Variants in ADGRG4 observed in about 807,000 individuals in gnomAD.
The protein encoded by ADGRG4 is adhesion G protein-coupled receptor G4, also known as G protein-coupled receptor 112.
A neutral mutation model predicts 126.2 loss-of-function variants in ADGRG4; 122 were observed. The observed-to-expected ratio is 0.97, with a 90% CI of 0.83 to 1.12. The LOEUF is 1.12. Among genes scored for constraint, ADGRG4 ranks in the 50% most tolerant of loss-of-function variants. The probability of loss-of-function intolerance (pLI) is 0.00; values close to 1 mark genes in which losing one functional copy is unlikely to be tolerated. For synonymous variants in ADGRG4, 943 were observed against 838.7 expected, an observed-to-expected ratio of 1.12 and a Z score of -2.15; for missense variants, 2,481 against 2,251.8, an observed-to-expected ratio of 1.10 and a Z score of -2.06.
chrX:136,353,549 T>C (rs2075075598), intron 8 of ADGRG4, 148 bp downstream of exon 8: 2 of 451,604 alleles, frequency 4.4e-6, no homozygotes, highest in South Asian at 7.3e-5. Flanking sequence ...TAGGTTCTTT[T>C]TGGCATGAGG....
intron 19 of ADGRG4, among the ~76,000 whole-genome samples, chrX:136,397,491 C>CTTTTTTTTTTTTTTTTTTTTT (rs1184936316): frequency 1.2e-4 from 6 of 50,575 alleles, no homozygotes; most frequent in African/African-American, 2.2e-4. Flanking sequence ...AGGAAAAGGA[C>CTTTTTTTTTTTTTTTTTTTTT]TTTTTTTTTT....
chrX:136,378,659 G>T (rs1037819827), intron 15 of ADGRG4, among the ~76,000 whole-genome samples: 1 of 111,081 alleles, frequency 9.0e-6, no homozygotes, highest in Non-Finnish European at 1.9e-5. Flanking sequence ...ATTTGATTGA[G>T]GTAGTTACCT....
At chrX:136,388,508 A>G (rs2148490953) in intron 16 of ADGRG4, among the ~76,000 whole-genome samples, 1 of 112,284 alleles carries the variant, frequency 8.9e-6, no homozygotes, top group East Asian at 2.8e-4. Context: ...CCTTCTCTGT[A>G]GTATAGGGTA....
Position 136,308,799 on chromosome X carries a change from C to A in ADGRG4, c.22C>A (p.Gln8Lys). The change falls in exon 4 of 26, where the codon CAG (glutamine) becomes AAG (lysine). Residue 8 changes from glutamine to lysine, a missense_variant. By Grantham distance (53) the Gln-to-Lys change is moderately conservative. Coordinates refer to ENST00000394143, the MANE Select transcript of ADGRG4 (RefSeq NM_153834.4). MKEHIIY[Q>K]KLYGLILMSS... is the part of the protein sequence containing the mutation. ...GACAATGAAAGAACACATCATATATCAGAAGCTTTATGGATTGATTCTCAT... is the reference window on the plus strand; with the variant it reads ...GACAATGAAAGAACACATCATATATAAGAAGCTTTATGGATTGATTCTCAT... 1 of 1,174,678 alleles carries A rather than the reference C, an allele frequency of 8.5e-7. No homozygotes were observed.
intron 24 of ADGRG4, among the ~76,000 whole-genome samples, 176 bp from the exon 25 acceptor site, chrX:136,413,984 G>A (rs187748138): frequency 0.015 from 1,645 of 111,134 alleles, 39 homozygotes; most frequent in African/African-American, 0.05. Context: ...CAGGTGATCC[G>A]CCCGCCTCGG....
intron 19 of ADGRG4, 115 bp downstream of exon 19, chrX:136,395,608 C>A: frequency 2.5e-6 from 1 of 398,032 alleles, no homozygotes; most frequent in South Asian, 5.7e-5. Flanking sequence ...AATCCCCCTT[C>A]CAATTTGTTC....
intron 5 of ADGRG4, among the ~76,000 whole-genome samples, chrX:136,328,164 T>A (rs1402212927): frequency 9.0e-6 from 1 of 111,549 alleles, no homozygotes; most frequent in Non-Finnish European, 1.9e-5. Flanking sequence ...TATAGAGCTA[T>A]CTGATTCTTT....
At chrX:136,310,485 C>T (rs946166030) in intron 4 of ADGRG4, among the ~76,000 whole-genome samples, 1 of 110,853 alleles carries the variant, frequency 9.0e-6, no homozygotes, top group Non-Finnish European at 1.9e-5. Flanking sequence ...CTTTGATTGC[C>T]GAGAAATTCA....
intron 5 of ADGRG4, among the ~76,000 whole-genome samples, chrX:136,331,579 T>C (rs1185466354): frequency 8.9e-6 from 1 of 112,066 alleles, no homozygotes; most frequent in African/African-American, 3.2e-5. Context: ...TTTGCCAGCA[T>C]TTGGTGTTGC....
chrX:136,399,063 A>G (rs977285348), intron 20 of ADGRG4, among the ~76,000 whole-genome samples: 4 of 112,419 alleles, frequency 3.6e-5, no homozygotes, highest in African/African-American at 1.3e-4. Context: ...ATTTACAAAA[A>G]GTTCCAAACA....
intron 5 of ADGRG4, among the ~76,000 whole-genome samples, chrX:136,327,541 T>C (rs1292405893): frequency 9.1e-6 from 1 of 109,825 alleles, no homozygotes; most frequent in Non-Finnish European, 1.9e-5. Context: ...CTTAATACTA[T>C]CATGGACAGA....
intron 25 of ADGRG4, among the ~76,000 whole-genome samples, chrX:136,415,761 C>A (rs946930114): frequency 8.9e-6 from 1 of 111,954 alleles, no homozygotes; most frequent in Non-Finnish European, 1.9e-5. Flanking sequence ...CATTGGATTT[C>A]TTGATGTCCC....
chrX:136,378,253 A>G (rs1175802088), intron 15 of ADGRG4, among the ~76,000 whole-genome samples: 2 of 111,510 alleles, frequency 1.8e-5, no homozygotes, highest in Non-Finnish European at 3.8e-5. Context: ...AAAACTAGAT[A>G]TTCCAATTAT....
intron 15 of ADGRG4, among the ~76,000 whole-genome samples, chrX:136,376,304 T>G (rs1307959317): frequency 8.9e-6 from 1 of 112,469 alleles, no homozygotes; most frequent in Middle Eastern, 4.2e-3. Flanking sequence ...AACTATAGCC[T>G]TGCAGTATAA....
intron 3 of ADGRG4, among the ~76,000 whole-genome samples, chrX:136,305,313 G>A (rs1420872141): frequency 8.9e-6 from 1 of 111,742 alleles, no homozygotes; most frequent in Non-Finnish European, 1.9e-5. Flanking sequence ...AGATGAAGAG[G>A]AAAATGCACT....
intron 20 of ADGRG4, among the ~76,000 whole-genome samples, chrX:136,399,397 A>C (rs2075367798): frequency 9.0e-6 from 1 of 111,669 alleles, no homozygotes; most frequent in Non-Finnish European, 1.9e-5. Flanking sequence ...GAGTTTCTGC[A>C]AAGTAAAGTT....
At chrX:136,305,205 A>G (rs760015169) in intron 3 of ADGRG4, among the ~76,000 whole-genome samples, 182 bp downstream of exon 3, 31 of 111,748 alleles carry the variant, frequency 2.8e-4, no homozygotes, top group Non-Finnish European at 4.9e-4. Context: ...GGATTATTCC[A>G]ATACACCTCC....
intron 8 of ADGRG4, among the ~76,000 whole-genome samples, chrX:136,355,110 T>A (rs2075085362): frequency 2.7e-5 from 3 of 111,762 alleles, no homozygotes; most frequent in African/African-American, 3.3e-5. Context: ...TCAGAGAGAT[T>A]CTGTTTGCTG....
chrX:136,380,530 G>T (rs866695254), intron 15 of ADGRG4, among the ~76,000 whole-genome samples: 36 of 103,747 alleles, frequency 3.5e-4, no homozygotes, highest in Admixed American at 3.0e-3. Flanking sequence ...TGCTGCTGCT[G>T]CCTCCTCCTC....
Sources: gnomAD v4.1 joint callset for allele counts (sites outside exome capture counted in the v4.1 genomes callset) on GRCh38, gnomAD v4.1.1 for gene constraint, MANE v1.5 for transcripts, NCBI Gene and HGNC (gene_info 2026-07-23, HGNC 2026-07-21) for gene names.